The following IFT52 variants were observed in gnomAD, a reference collection of about 807,000 sequenced individuals.
IFT52 encodes intraflagellar transport protein 52 homolog.
A neutral mutation model predicts 54.4 loss-of-function variants in IFT52; 44 were observed. That is an observed-to-expected ratio of 0.81 (90% CI 0.63 to 1.04). The LOEUF (loss-of-function observed/expected upper bound fraction) is 1.04, where lower values mean the gene tolerates loss of function less well. IFT52 is among the 50% of genes least tolerant of loss of function. The pLI is 0.00. For missense variants in IFT52, 452 were observed against 523.6 expected (o/e 0.86, Z 1.33); for synonymous variants, 181 against 185.3 (o/e 0.98, Z 0.19).
intron 12 of IFT52, among the ~76,000 whole-genome samples, chr20:43,638,478 A>G (rs1985697157): frequency 6.6e-6 from 1 of 152,210 alleles, no homozygotes; most frequent in Non-Finnish European, 1.5e-5. Context: ...GGCATGAGCC[A>G]CCACGTCCGG....
At chr20:43,620,638 G>A (rs377411568) in intron 8 of IFT52, among the ~76,000 whole-genome samples, 4 of 152,232 alleles carry the variant, frequency 2.6e-5, no homozygotes, top group Admixed American at 6.5e-5. Flanking sequence ...CCAGGGCGAC[G>A]GAGCGAGACT....
Position 43,644,729 on chromosome 20 carries a change from C to A in IFT52, c.1266+2105C>A, listed in dbSNP as rs1354245111. ...CGGGAGACAGAGGTTGGCAGTGAGC[C>A]AAGAACGTGCCATTGCACTCCAGCC... On this transcript the variant is annotated intron_variant, in intron 13 of 13. Transcript: ENST00000373030. 2.3e-4 allele frequency among the ~76,000 whole-genome samples: 13 copies of A among 55,532 alleles called. 6 individuals carry two copies. Among genetic ancestry groups the A allele is most frequent in the African/African-American group, 6.3e-4 (12 of 18,930 alleles). The allele number at this position is 55,532 out of a possible 152,430, so 36.4% of individuals were successfully genotyped here.
chr20:43,619,350 C>T (rs1984096296), intron 8 of IFT52, among the ~76,000 whole-genome samples: 1 of 152,166 alleles, frequency 6.6e-6, no homozygotes, highest in African/African-American at 2.4e-5. Context: ...GGAGCTTGAA[C>T]TTGATGCTGA....
At chr20:43,595,701 C>A (rs1981904057) in intron 2 of IFT52, among the ~76,000 whole-genome samples, 1 of 152,162 alleles carries the variant, frequency 6.6e-6, no homozygotes, top group African/African-American at 2.4e-5. Flanking sequence ...GCCTGGCCTA[C>A]ATGGCAAAAC....
At chr20:43,633,145 A>G (rs1182540060) in intron 10 of IFT52, among the ~76,000 whole-genome samples, 1 of 151,798 alleles carries the variant, frequency 6.6e-6, no homozygotes, top group African/African-American at 2.4e-5. Context: ...GGAGTTCGAG[A>G]CCAGCCTGAC....
At position 43,624,052 on chromosome 20, in the gene IFT52, A is replaced by G. The variant is rs750579127; in HGVS notation, c.923+7A>G. ...CCTTCCACAGCGTCATCGAGTCAGTACCTGTGGGCCTCTGAGCCACACTGC... is the reference window on the plus strand; with the variant it reads ...CCTTCCACAGCGTCATCGAGTCAGTGCCTGTGGGCCTCTGAGCCACACTGC... On this transcript the variant is annotated splice_region_variant and intron_variant, in intron 10 of 13. Coordinates refer to ENST00000373030, the MANE Select transcript of IFT52 (RefSeq NM_016004.5). The G allele has an allele frequency of 1.3e-5, 21 of 1,613,626 alleles. No individual in the cohort carries two copies. The East Asian group carries it at 3.8e-4, about 29-fold the overall frequency.
chr20:43,604,925 A>G lies in IFT52; in HGVS notation c.414-77A>G. 3 of 1,461,606 alleles carry G rather than the reference A, an allele frequency of 2.1e-6. No homozygotes were observed. The South Asian group carries it at 3.6e-5, about 17-fold the overall frequency. 90.5% of individuals were successfully genotyped at this position (1,461,606 alleles called of 1,614,324 possible). A position where few individuals can be genotyped will look rare whatever the true frequency, so the allele number is the denominator to read the frequency against. On this transcript the variant is annotated intron_variant, in intron 5 of 13. Transcript: ENST00000373030. ...AGCAATCCTCCCACCTTAGCCTCATACTTGCTGTACTAATGAATGCAGTGT... is the reference window on the plus strand; with the variant it reads ...AGCAATCCTCCCACCTTAGCCTCATGCTTGCTGTACTAATGAATGCAGTGT...
At chr20:43,617,960 C>A (rs541046977) in intron 7 of IFT52, among the ~76,000 whole-genome samples, 1 of 152,018 alleles carries the variant, frequency 6.6e-6, no homozygotes, top group Admixed American at 6.6e-5. Context: ...GTTAGCTAGG[C>A]TGGTCTTGAA....
In IFT52 at chr20:43,616,381, T is replaced by A. The variant is rs770458594; in HGVS notation, c.612+2405T>A. ...AATATTAGCCCAGCATGATGGTGAG[T>A]GCCTGTAATCCCAGCTACTCCAGAG... On this transcript the variant is annotated intron_variant, in intron 7 of 13. Transcript: ENST00000373030. Among the ~76,000 whole-genome samples the A allele has an allele frequency of 3.6e-4, 54 of 151,524 alleles. 1 individual carries two copies. Among genetic ancestry groups the A allele is most frequent in the Middle Eastern group, 3.4e-3 (1 of 290 alleles).
rs577514167 is a variant in IFT52 at position 43,630,645 on chromosome 20, G to A, written c.924-5281G>A. On this transcript the variant is annotated intron_variant, in intron 10 of 13. Transcript: ENST00000373030. The stretch of plus-strand genomic sequence containing the variant: ...GTGGAGTATGAGGTAGAGGCAGATG[G>A]TGTGGAGTCCCTGCCCTTAGAGTTC... Among the ~76,000 whole-genome samples, 2 of 152,328 alleles carry A rather than the reference G, an allele frequency of 1.3e-5. 1 individual carries two copies. The highest frequency in any genetic ancestry group is 1.3e-4 in the Admixed American group (2 of 15,304).
rs1986241992 is a variant in IFT52 at position 43,646,944 on chromosome 20, C to T, written c.1275C>T (p.Asp425=). ...VEFKKLNQEH[D]IDTSETAFQN... The stretch of plus-strand genomic sequence containing the variant: ...CTTATTCTCTCATCCAGGAACATGA[C>T]ATCGATACAAGTGAAACAGCATTCC... Residue 425 remains aspartate (D), a synonymous_variant, in exon 14 of 14, where the codon GAC becomes GAT. Transcript: ENST00000373030. The T allele has an allele frequency of 3.1e-6, 5 of 1,613,424 alleles. No homozygotes were observed. Among genetic ancestry groups the T allele is most frequent in the Admixed American group, 3.3e-5 (2 of 59,992 alleles).
chr20:43,594,007 A>C (rs1302568520), intron 1 of IFT52, among the ~76,000 whole-genome samples: 1 of 152,198 alleles, frequency 6.6e-6, no homozygotes, highest in Non-Finnish European at 1.5e-5. Context: ...GTAAGTTAAT[A>C]TATGTATAAA....
chr20:43,591,928 A>T (rs1318692781), intron 1 of IFT52, among the ~76,000 whole-genome samples: 1 of 152,240 alleles, frequency 6.6e-6, no homozygotes, highest in Non-Finnish European at 1.5e-5. Context: ...TTACAGGTAG[A>T]TAAAATATAT....
intron 7 of IFT52, among the ~76,000 whole-genome samples, chr20:43,616,509 CAAAAAAA>C (rs1020264770): frequency 1.6e-5 from 1 of 60,734 alleles, no homozygotes; most frequent in Non-Finnish European, 3.4e-5. Flanking sequence ...ACACTGTCTC[CAAAAAAA>C]AAAAAAAAAA....
intron 6 of IFT52, among the ~76,000 whole-genome samples, chr20:43,611,778 C>T (rs1198987356): frequency 6.6e-6 from 1 of 151,920 alleles, no homozygotes; most frequent in Non-Finnish European, 1.5e-5. Flanking sequence ...ACCTGTAATC[C>T]CAGCAGTTTG....
intron 6 of IFT52, among the ~76,000 whole-genome samples, chr20:43,609,775 C>CA (rs57268776): frequency 0.035 from 1,667 of 47,050 alleles, 29 homozygotes; most frequent in Non-Finnish European, 0.044. Flanking sequence ...AACTCCGTCT[C>CA]AAAAAAAAAA....
chr20:43,634,110 A>G (rs552654381), intron 10 of IFT52, among the ~76,000 whole-genome samples: 71 of 151,644 alleles, frequency 4.7e-4, no homozygotes, highest in Non-Finnish European at 8.6e-4. Flanking sequence ...CCAGGAGTTC[A>G]GGATTAAAAT....
intron 3 of IFT52, among the ~76,000 whole-genome samples, chr20:43,601,356 C>G (rs1407452935): frequency 6.6e-6 from 1 of 152,182 alleles, no homozygotes; most frequent in African/African-American, 2.4e-5. Context: ...AAATTCAAGT[C>G]TGCAAAATTA....
rs775351180 is a variant in IFT52, at chr20:43,603,852, C to A, written c.300C>A (p.Asn100Lys). Residue 100 changes from asparagine to lysine, a missense_variant, in exon 4 of 14, where the codon AAC (asparagine) becomes AAA (lysine). Transcript: ENST00000373030. The stretch of plus-strand genomic sequence containing the variant: ...AATCCAGATTTGACACCAATATTAA[C>A]TTTTTACTAGAAGAATATGGAATCA... ...GGESRFDTNINFLLEEYGIMV... is the reference protein window; with the variant it reads ...GGESRFDTNIKFLLEEYGIMV... 2.0e-6 allele frequency: 3 copies of A among 1,525,294 alleles called. No individual in the cohort carries two copies. Among genetic ancestry groups the A allele is most frequent in the African/African-American group, 2.7e-5 (2 of 72,846 alleles). The allele number at this position is 1,525,294 out of a possible 1,614,324, so 94.5% of individuals were successfully genotyped here.
Sources: allele counts gnomAD v4.1 joint callset (sites outside exome capture counted in the v4.1 genomes callset), GRCh38; gene constraint gnomAD v4.1.1; transcripts MANE v1.5; gene names NCBI Gene and HGNC (gene_info 2026-07-23, HGNC 2026-07-21).